MRPL34: variants seen among roughly 807,000 people sequenced by gnomAD.
MRPL34 encodes large ribosomal subunit protein bL34m.
Under a neutral mutation model 6.7 loss-of-function variants are expected in MRPL34, and 8 were observed. That is an observed-to-expected ratio of 1.20 (90% CI 0.70 to 2.16). MRPL34 has a LOEUF of 2.16. MRPL34 is among the 30% of genes most tolerant of loss of function. The pLI is 0.00. For missense variants in MRPL34, 146 were observed against 125.5 expected, an observed-to-expected ratio of 1.16 and a Z score of -0.78; for synonymous variants, 59 against 55.1, an observed-to-expected ratio of 1.07 and a Z score of -0.31.
chr19:17,304,910 C>T (rs948720648), upstream of MRPL34, among the ~76,000 whole-genome samples: 3 of 152,144 alleles, frequency 2.0e-5, no homozygotes, highest in Admixed American at 1.3e-4. Context: ...CCTTCAAGTA[C>T]TTGAGACTAT....
upstream of MRPL34, chr19:17,301,727 G>C: frequency 7.5e-7 from 1 of 1,338,212 alleles, no homozygotes; most frequent in Non-Finnish European, 9.7e-7. Context: ...TTAGACTCCA[G>C]TTTGGGGAGC....
chr19:17,297,750 T>C (rs1005200194), intron 1 of MRPL34: 5 of 151,288 alleles, frequency 3.3e-5, no homozygotes, highest in Non-Finnish European at 7.4e-5. Flanking sequence ...TTTTCTTTTT[T>C]TTTTTTTTTT....
chr19:17,301,944 C>T (rs2074122077), upstream of MRPL34, among the ~76,000 whole-genome samples: 1 of 152,126 alleles, frequency 6.6e-6, no homozygotes, highest in Non-Finnish European at 1.5e-5. Flanking sequence ...TAGGCAGGTG[C>T]CACCATGTCT....
In MRPL34 at chr19:17,306,826, G is replaced by A. The variant is rs1450809025; in HGVS notation, c.*447G>A. ...AAATATTATTAAACGTGTAATAAAT[G>A]TTCAAAGTTCCACTTGCCTTATATG... On this transcript the variant is annotated 3_prime_UTR_variant, in exon 2 of 2. Coordinates refer to ENST00000252602, the MANE Select transcript of MRPL34 (RefSeq NM_023937.4). 6.6e-6 allele frequency: 1 copy of A among 151,748 alleles called. No individual in the cohort carries two copies. Among genetic ancestry groups the A allele is most frequent in the African/African-American group, 2.4e-5 (1 of 41,180 alleles). The allele number at this position is 151,748 out of a possible 1,614,324, so 9.4% of individuals were successfully genotyped here. A position where few individuals can be genotyped will look rare whatever the true frequency, so the allele number is the denominator to read the frequency against.
upstream of MRPL34, chr19:17,301,368 G>C (rs748727592): frequency 1.9e-6 from 3 of 1,610,772 alleles, no homozygotes; most frequent in Non-Finnish European, 2.5e-6. Flanking sequence ...TGCGGTACAC[G>C]GTGATCCGGC....
In MRPL34 at chr19:17,305,972, G is replaced by A. The variant is rs750213324; in HGVS notation, c.65+15G>A. 4 of 1,613,954 alleles carry A rather than the reference G, an allele frequency of 2.5e-6. No homozygotes were observed. Among genetic ancestry groups the A allele is most frequent in the Non-Finnish European group, 3.4e-6 (4 of 1,179,878 alleles). ...CTGGGTGGCAGGTAAGTCCTCAGGG[G>A]GACCCTTCCCCAAATCAGGGAATAA... On this transcript the variant is annotated intron_variant, in intron 1 of 1. Coordinates refer to ENST00000252602, the MANE Select transcript of MRPL34 (RefSeq NM_023937.4).
chr19:17,295,183 G>T (rs1182725171), intron 1 of MRPL34, among the ~76,000 whole-genome samples: 3 of 137,584 alleles, frequency 2.2e-5, no homozygotes, highest in Non-Finnish European at 1.5e-5. Flanking sequence ...TCGGCTCACT[G>T]CAAGCTCCGC....
chr19:17,301,744 TC>T (rs1358222935), upstream of MRPL34: 4 of 1,197,900 alleles, frequency 3.3e-6, no homozygotes, highest in Non-Finnish European at 4.4e-6. Flanking sequence ...GAGCGCCAGA[TC>T]AAGTGAGCCA....
chr19:17,292,715 G>A, exon 1 of MRPL34: 1 of 1,613,538 alleles, frequency 6.2e-7, no homozygotes, highest in Non-Finnish European at 8.5e-7. Flanking sequence ...CCTTGGGCGA[G>A]GGCTCGGGCT....
At chr19:17,303,171 T>G (rs1303173318), upstream of MRPL34, 1 of 152,168 alleles carries the variant, frequency 6.6e-6, no homozygotes, top group African/African-American at 2.4e-5. Flanking sequence ...GCGGGGTTGG[T>G]GGACACCACT....
intron 1 of MRPL34, chr19:17,292,993 T>C: frequency 1.3e-6 from 1 of 779,758 alleles, no homozygotes; most frequent in Non-Finnish European, 1.9e-6. Flanking sequence ...AGCTGGAGGA[T>C]GGCCTGTAGC....
chr19:17,303,959 T>G (rs1220084212), upstream of MRPL34, among the ~76,000 whole-genome samples: 2 of 143,128 alleles, frequency 1.4e-5, no homozygotes, highest in East Asian at 2.2e-4. Flanking sequence ...ACCTCCCCCC[T>G]ACGCCCCCCC....
At chr19:17,295,937 C>G (rs1035662988) in intron 1 of MRPL34, among the ~76,000 whole-genome samples, 6 of 152,132 alleles carry the variant, frequency 3.9e-5, no homozygotes, top group Non-Finnish European at 8.8e-5. Flanking sequence ...TCTTGAACTC[C>G]TGGGCTCAAG....
upstream of MRPL34, chr19:17,305,807 A>C (rs769485670): frequency 4.3e-6 from 6 of 1,383,232 alleles, no homozygotes; most frequent in South Asian, 5.8e-5. Context: ...GAGAAACTAC[A>C]TTTCCCATAA....
upstream of MRPL34, chr19:17,301,770 T>G (rs1205286514): frequency 1.1e-6 from 1 of 907,312 alleles, no homozygotes; most frequent in African/African-American, 2.4e-5. Context: ...ACTGAGATTT[T>G]TTTGTTTGTG....
upstream of MRPL34, chr19:17,301,431 G>A (rs757407162): frequency 6.2e-7 from 1 of 1,612,074 alleles, no homozygotes; most frequent in Non-Finnish European, 8.5e-7. Flanking sequence ...CCGAGGATGC[G>A]GATGATGGTG....
intron 1 of MRPL34, chr19:17,292,962 C>T (rs944317871): frequency 8.8e-6 from 9 of 1,018,190 alleles, no homozygotes; most frequent in Non-Finnish European, 1.2e-5. Flanking sequence ...CCCTGCATCT[C>T]TCCACTTCCA....
At position 17,306,361 on chromosome 19, in the gene MRPL34, C is replaced by G. The variant is rs570171493; in HGVS notation, c.261C>G (p.Arg87=). ...QVILRRMLKG[R]KSLSH Reference sequence around the variant, plus strand: ...TCCTTCGCCGAATGCTCAAGGGCCGCAAGTCGCTGAGCCATTGAGGATCGC... The same window carrying G: ...TCCTTCGCCGAATGCTCAAGGGCCGGAAGTCGCTGAGCCATTGAGGATCGC... The change falls in exon 2 of 2, where the codon CGC becomes CGG. Residue 87 remains arginine (R), a synonymous_variant. Transcript: ENST00000252602. The G allele has an allele frequency of 1.2e-6, 2 of 1,602,824 alleles. No individual in the cohort carries two copies. Among genetic ancestry groups the G allele is most frequent in the East Asian group, 2.2e-5 (1 of 44,560 alleles).
upstream of MRPL34, among the ~76,000 whole-genome samples, chr19:17,300,009 A>C (rs536616786): frequency 1.3e-5 from 2 of 148,278 alleles, no homozygotes; most frequent in Admixed American, 6.8e-5. Flanking sequence ...TGCTCATGCC[A>C]TTCTCCTGCC....
Sources: allele counts gnomAD v4.1 joint callset (sites outside exome capture counted in the v4.1 genomes callset), GRCh38; gene constraint gnomAD v4.1.1; transcripts MANE v1.5; gene names NCBI Gene and HGNC (gene_info 2026-07-23, HGNC 2026-07-21).